NHERF1: variants seen among roughly 807,000 people sequenced by gnomAD.
NHERF1 encodes Na(+)/H(+) exchange regulatory cofactor NHE-RF1.
chr17:74,750,681 A>C, the NHERF1 span, among the ~76,000 whole-genome samples: 1 of 150,990 alleles, frequency 6.6e-6, no homozygotes, highest in African/African-American at 2.4e-5. Flanking sequence ...GCAGAAATCC[A>C]GTGTGAACTT....
At chr17:74,768,615 A>G in the NHERF1 span, 1 of 1,614,098 alleles carries the variant, frequency 6.2e-7, no homozygotes, top group Non-Finnish European at 8.5e-7. Context: ...GGCCCCGCAG[A>G]TGGACTGGAG....
At chr17:74,754,878 T>C in the NHERF1 span, among the ~76,000 whole-genome samples, 3 of 152,234 alleles carry the variant, frequency 2.0e-5, no homozygotes, top group Non-Finnish European at 2.9e-5. Context: ...TATTTGTGTC[T>C]AGCACTGTGC....
chr17:74,749,382 C>T, the NHERF1 span: 8 of 1,237,714 alleles, frequency 6.5e-6, no homozygotes, highest in African/African-American at 1.6e-5. The surrounding 1 kb of genome is among the most constrained non-coding windows in gnomAD (Gnocchi z 5.6). Context: ...CGCCCGCCGT[C>T]GTTTTTCTGA....
the NHERF1 span, among the ~76,000 whole-genome samples, chr17:74,751,737 C>G: frequency 1.3e-5 from 2 of 152,352 alleles, no homozygotes; most frequent in Admixed American, 1.3e-4. The surrounding 1 kb of genome is among the most constrained non-coding windows in gnomAD (Gnocchi z 4.3). Context: ...CTCCTCCCCC[C>G]ATTCACCACC....
chr17:74,762,003 T>TC, the NHERF1 span: 3 of 1,613,802 alleles, frequency 1.9e-6, no homozygotes, highest in Non-Finnish European at 2.5e-6. The surrounding 1 kb of genome is among the most constrained non-coding windows in gnomAD (Gnocchi z 4.2). Flanking sequence ...CCCTCCCCTG[T>TC]CCCTGCAGCG....
chr17:74,762,077 C>G, the NHERF1 span: 2 of 1,614,106 alleles, frequency 1.2e-6, no homozygotes, highest in Non-Finnish European at 1.7e-6. The surrounding 1 kb of genome is among the most constrained non-coding windows in gnomAD (Gnocchi z 4.2). Context: ...TCAACCTGCA[C>G]AGCGACAAGT....
At chr17:74,749,337 C>A in the NHERF1 span, 1 of 1,464,642 alleles carries the variant, frequency 6.8e-7, no homozygotes, top group Non-Finnish European at 9.1e-7. The surrounding 1 kb of genome is among the most constrained non-coding windows in gnomAD (Gnocchi z 5.6). Context: ...GAGGAGGATC[C>A]GGAGAGACCC....
At chr17:74,755,691 G>A in the NHERF1 span, among the ~76,000 whole-genome samples, 1 of 152,132 alleles carries the variant, frequency 6.6e-6, no homozygotes, top group Non-Finnish European at 1.5e-5. Flanking sequence ...GGTATTTAGA[G>A]GAGTGTGTTT....
chr17:74,768,525 TC>T, the NHERF1 span: 1 of 1,613,756 alleles, frequency 6.2e-7, no homozygotes, highest in South Asian at 1.1e-5. Flanking sequence ...GTCTACCTCC[TC>T]CTCCGACCCC....
chr17:74,750,159 C>T, the NHERF1 span, among the ~76,000 whole-genome samples: 2 of 152,218 alleles, frequency 1.3e-5, no homozygotes, highest in Non-Finnish European at 2.9e-5. Context: ...TTGCCATGGT[C>T]ACTCTGGTGC....
the NHERF1 span, chr17:74,762,288 T>G: frequency 3.4e-6 from 2 of 583,484 alleles, no homozygotes; most frequent in Non-Finnish European, 6.0e-6. This position sits in a 1 kb window ranked among gnomAD's most constrained non-coding sequence, Gnocchi z 4.2. Flanking sequence ...ATAGCCAACC[T>G]GGAGCTGCTG....
the NHERF1 span, chr17:74,763,389 G>C: frequency 2.5e-6 from 4 of 1,614,132 alleles, no homozygotes; most frequent in South Asian, 2.2e-5. Flanking sequence ...TGCATGGAGG[G>C]GAAGCAGCAT....
the NHERF1 span, among the ~76,000 whole-genome samples, chr17:74,767,552 C>T: frequency 1.3e-5 from 2 of 152,222 alleles, no homozygotes; most frequent in Non-Finnish European, 2.9e-5. Flanking sequence ...CTTAAAGGTT[C>T]CCCTTCCCTA....
At chr17:74,748,758 C>T in the NHERF1 span, 116 of 1,230,046 alleles carry the variant, frequency 9.4e-5, 1 homozygote, top group Middle Eastern at 3.2e-3. The surrounding 1 kb of genome is among the most constrained non-coding windows in gnomAD (Gnocchi z 4.3). Context: ...GCTGCGCTCC[C>T]GGTTCGCTGG....
At chr17:74,752,625 C>T in the NHERF1 span, among the ~76,000 whole-genome samples, 1 of 152,186 alleles carries the variant, frequency 6.6e-6, no homozygotes, top group Admixed American at 6.5e-5. Context: ...TCCCTAGTAG[C>T]TGGGACTACA....
the NHERF1 span, among the ~76,000 whole-genome samples, chr17:74,757,216 G>T: frequency 1.3e-5 from 2 of 152,318 alleles, no homozygotes; most frequent in East Asian, 1.9e-4. Context: ...GGGGGTGTCT[G>T]TCAGACCAGC....
At chr17:74,761,534 C>T in the NHERF1 span, among the ~76,000 whole-genome samples, 1 of 152,316 alleles carries the variant, frequency 6.6e-6, no homozygotes, top group East Asian at 1.9e-4. This position sits in a 1 kb window ranked among gnomAD's most constrained non-coding sequence, Gnocchi z 4.3. Flanking sequence ...CTCTTCCTCC[C>T]CTGCTGCAGA....
the NHERF1 span, chr17:74,763,077 G>A: frequency 9.2e-6 from 3 of 326,798 alleles, no homozygotes; most frequent in Non-Finnish European, 1.7e-5. Flanking sequence ...GCCCCACCCC[G>A]GCCTCCCAGC....
chr17:74,768,133 C>G, the NHERF1 span: 1 of 1,590,464 alleles, frequency 6.3e-7, no homozygotes, highest in Non-Finnish European at 8.6e-7. Context: ...CCACAACCCT[C>G]TCCTCTCTGC....
Sources: allele counts gnomAD v4.1 joint callset (sites outside exome capture counted in the v4.1 genomes callset), GRCh38; gene constraint gnomAD v4.1.1; non-coding constraint Gnocchi (gnomAD v3.1); transcripts MANE v1.5; gene names NCBI Gene and HGNC (gene_info 2026-07-23, HGNC 2026-07-21).